DLGAP2: variants seen among roughly 807,000 people sequenced by gnomAD.
DLGAP2 encodes DLG associated protein 2, also known as disks large-associated protein 2.
A neutral mutation model predicts 100.3 loss-of-function variants in DLGAP2; 26 were observed. The ratio of observed to expected loss-of-function variants is 0.26; its 90% CI spans 0.19 to 0.36. The LOEUF is 0.36. Among genes scored for constraint, DLGAP2 ranks in the 10% least tolerant of loss-of-function variants. The probability of loss-of-function intolerance (pLI) is 1.00; values close to 1 mark genes in which losing one functional copy is unlikely to be tolerated. For synonymous variants in DLGAP2, 886 were observed against 630.1 expected, an observed-to-expected ratio of 1.41 and a Z score of -6.08; for missense variants, 1,858 against 1,453.2, an observed-to-expected ratio of 1.28 and a Z score of -4.53.
intron 3 of DLGAP2, among the ~76,000 whole-genome samples, chr8:1,289,908 C>G (rs1200300852): frequency 2.6e-5 from 4 of 152,136 alleles, no homozygotes; most frequent in African/African-American, 9.7e-5. Flanking sequence ...TTATCCAGTT[C>G]AGTATATTCT....
intron 2 of DLGAP2, among the ~76,000 whole-genome samples, chr8:1,257,684 G>T (rs1799256496): frequency 6.6e-6 from 1 of 151,526 alleles, no homozygotes. Context: ...GAGGGCCCGT[G>T]CAGGCCAGTG....
At chr8:995,180 G>A (rs1037961083) in intron 2 of DLGAP2, among the ~76,000 whole-genome samples, 5 of 152,198 alleles carry the variant, frequency 3.3e-5, no homozygotes, top group Admixed American at 1.3e-4. Flanking sequence ...ACATTATACT[G>A]TATAAAGCAG....
chr8:790,542 T>G (rs1180791231), intron 1 of DLGAP2, among the ~76,000 whole-genome samples: 1 of 152,142 alleles, frequency 6.6e-6, no homozygotes, highest in Non-Finnish European at 1.5e-5. Context: ...GAGAAAGGTG[T>G]GAGTAGTTGG....
At chr8:924,343 G>A (rs948679870) in intron 2 of DLGAP2, among the ~76,000 whole-genome samples, 3 of 152,158 alleles carry the variant, frequency 2.0e-5, no homozygotes, top group Admixed American at 2.0e-4. Context: ...AGTACCGACA[G>A]CAGGTTAGCA....
intron 7 of DLGAP2, among the ~76,000 whole-genome samples, chr8:1,630,657 A>G (rs931532415): frequency 7.2e-5 from 11 of 151,822 alleles, no homozygotes; most frequent in African/African-American, 1.2e-4. Context: ...AGCCGAGATC[A>G]CGCCACTGCA....
intron 3 of DLGAP2, among the ~76,000 whole-genome samples, chr8:1,335,355 A>G (rs1043976041): frequency 1.3e-5 from 2 of 152,180 alleles, no homozygotes; most frequent in African/African-American, 4.8e-5. Context: ...CGAGTTTGGC[A>G]TTACATTTTC....
chr8:1,566,550 A>G (rs1430532686), intron 6 of DLGAP2, among the ~76,000 whole-genome samples: 1 of 152,230 alleles, frequency 6.6e-6, no homozygotes, highest in African/African-American at 2.4e-5. Flanking sequence ...AATGCCAAGA[A>G]CTGCCTGGAA....
intron 3 of DLGAP2, among the ~76,000 whole-genome samples, chr8:1,368,172 G>A (rs1032343528): frequency 2.0e-5 from 3 of 150,072 alleles, no homozygotes; most frequent in East Asian, 2.0e-4. Flanking sequence ...ACGTGTGCAT[G>A]TGTGTGTGTA....
chr8:1,020,251 G>T (rs991196687), intron 2 of DLGAP2, among the ~76,000 whole-genome samples: 15 of 152,132 alleles, frequency 9.9e-5, no homozygotes, highest in Non-Finnish European at 2.2e-4. Flanking sequence ...ACCAATTTGG[G>T]TATGAAACCC....
chr8:1,459,362 C>G (rs1167728235), intron 3 of DLGAP2, among the ~76,000 whole-genome samples: 3 of 152,258 alleles, frequency 2.0e-5, no homozygotes, highest in Admixed American at 1.3e-4. Flanking sequence ...AGGGGTCACC[C>G]TATTCTGCTG....
chr8:1,486,769 G>T (rs1192341821), intron 3 of DLGAP2, among the ~76,000 whole-genome samples: 2 of 152,216 alleles, frequency 1.3e-5, no homozygotes, highest in African/African-American at 2.4e-5. Context: ...ACTGCCAGTG[G>T]AGCTGGCAAC....
At chr8:1,204,708 A>G (rs1022493346) in intron 2 of DLGAP2, among the ~76,000 whole-genome samples, 2 of 152,172 alleles carry the variant, frequency 1.3e-5, no homozygotes, top group Admixed American at 6.5e-5. Context: ...CTGCCTGGAA[A>G]TGAGGGAGGG....
At chr8:832,839 T>A (rs76744920) in intron 1 of DLGAP2, among the ~76,000 whole-genome samples, 6,331 of 152,244 alleles carry the variant, frequency 0.042, 203 homozygotes, top group African/African-American at 0.082. Context: ...GCGAAGACAC[T>A]GTGGGATCAA....
chr8:1,233,247 G>A (rs1798574227), intron 2 of DLGAP2, among the ~76,000 whole-genome samples: 1 of 152,312 alleles, frequency 6.6e-6, no homozygotes, highest in Admixed American at 6.5e-5. Flanking sequence ...ATGAGAGGCT[G>A]CTGTGAACAT....
chr8:1,029,615 G>A (rs916190435), intron 2 of DLGAP2, among the ~76,000 whole-genome samples: 1 of 131,844 alleles, frequency 7.6e-6, no homozygotes, highest in Non-Finnish European at 1.5e-5. Flanking sequence ...GTTCTGGCAG[G>A]ATGGCCTAGG....
intron 1 of DLGAP2, among the ~76,000 whole-genome samples, chr8:800,608 G>T (rs925776190): frequency 3.3e-5 from 5 of 152,222 alleles, no homozygotes; most frequent in Non-Finnish European, 5.9e-5. Flanking sequence ...CTGCATGTGT[G>T]TGTGTACATG....
At chr8:1,579,885 C>T (rs894295347) in intron 6 of DLGAP2, among the ~76,000 whole-genome samples, 2 of 152,174 alleles carry the variant, frequency 1.3e-5, no homozygotes, top group Non-Finnish European at 2.9e-5. Context: ...GCTGCTACCA[C>T]CCTCAGCAAA....
chr8:1,683,316 A>T (rs1716737204), intron 12 of DLGAP2, among the ~76,000 whole-genome samples: 1 of 151,492 alleles, frequency 6.6e-6, no homozygotes, highest in Admixed American at 6.6e-5. Flanking sequence ...AAGGAGATTC[A>T]AGAGTCCACG....
In DLGAP2 at chr8:960,050, A is replaced by G. The variant is rs1475813415; in HGVS notation, c.73+52084A>G. On this transcript the variant is annotated intron_variant, in intron 2 of 14. Coordinates refer to ENST00000637795, the MANE Select transcript of DLGAP2 (RefSeq NM_001346810.2). ...CTGTTAGAAAGTAATAAAATCTTCA[A>G]CCCTTAAGTTTTCTAGTTAGGCTCT... Among the ~76,000 whole-genome samples the G allele has an allele frequency of 2.6e-5, 4 of 151,940 alleles. No homozygotes were observed. The East Asian group carries it at 7.7e-4, about 29-fold the overall frequency.
Sources: gnomAD v4.1 joint callset for allele counts (sites outside exome capture counted in the v4.1 genomes callset) on GRCh38, gnomAD v4.1.1 for gene constraint, MANE v1.5 for transcripts, NCBI Gene and HGNC (gene_info 2026-07-23, HGNC 2026-07-21) for gene names.